The following FER1L5 variants were observed in gnomAD, a reference collection of about 807,000 sequenced individuals.
The protein encoded by FER1L5 is fer-1 like family member 5.
Under a neutral mutation model 279.9 loss-of-function variants are expected in FER1L5, and 187 were observed. That is an observed-to-expected ratio of 0.67 (90% confidence interval 0.59 to 0.75). The LOEUF (loss-of-function observed/expected upper bound fraction) is 0.75. Among genes scored for constraint, FER1L5 ranks in the 30% least tolerant of loss-of-function variants. The pLI is 0.00. For missense variants in FER1L5, 2,091 were observed against 2,594.4 expected (o/e 0.81, Z 4.21); for synonymous variants, 921 against 989.7 (o/e 0.93, Z 1.30).
chr2:96,662,363 A>G, intron 13 of FER1L5, 96 bp downstream of exon 13: 2 of 1,130,026 alleles, frequency 1.8e-6, no homozygotes, highest in Non-Finnish European at 1.3e-6. Context: ...CACAGGAATC[A>G]TCTCCCAGTC....
chr2:96,694,397 C>T lies in FER1L5; in HGVS notation c.3674C>T (p.Pro1225Leu). Residue 1225 changes from proline to leucine, a missense_variant, in exon 34 of 53, where the codon CCC becomes CTC. Pro to Leu is a moderately conservative substitution (Grantham distance 98). Coordinates refer to ENST00000624922, the MANE Select transcript of FER1L5 (RefSeq NM_001293083.2). This position sits in a 1 kb window ranked among gnomAD's most constrained non-coding sequence, Gnocchi z 4.6. ...GEKQLPILSV[P>L]WKNGAYTLPK... ...AAGCAGCTGCCTATCTTAAGCGTTC[C>T]CTGGAAGAATGGGGCATACACACTC... is the stretch of plus-strand genomic sequence containing the variant. 1 of 1,550,818 alleles carries T rather than the reference C, an allele frequency of 6.4e-7. No individual in the cohort carries two copies. Among genetic ancestry groups the T allele is most frequent in the Non-Finnish European group, 8.7e-7 (1 of 1,146,544 alleles).
chr2:96,699,045 T>C lies in FER1L5; in HGVS notation c.4519T>C (p.Cys1507Arg), dbSNP rs1354128395. 1 of 1,608,244 alleles carries C rather than the reference T, an allele frequency of 6.2e-7. No homozygotes were observed. Among genetic ancestry groups the C allele is most frequent in the Non-Finnish European group, 8.5e-7 (1 of 1,177,420 alleles). The change falls in exon 42 of 53, where the codon TGT (cysteine) becomes CGT (arginine). Residue 1507 changes from cysteine (C) to arginine (R), a missense_variant and splice_region_variant. By Grantham distance (180) the Cys-to-Arg change is radical. Transcript: ENST00000624922. The stretch of plus-strand genomic sequence containing the variant: ...TTCCCCCACTTGTATCTGACCCCAG[T>C]GTGACCCTTATGTGATCCTGAAACT... ...NLQPQDYNGL[C>R]DPYVILKLGK...
intron 18 of FER1L5, among the ~76,000 whole-genome samples, chr2:96,670,458 G>A (rs999690454): frequency 8.5e-5 from 13 of 152,082 alleles, no homozygotes; most frequent in African/African-American, 3.1e-4. Flanking sequence ...GACCCTGATG[G>A]AAAAGATAAG....
chr2:96,702,126 G>C lies in FER1L5; in HGVS notation c.5159+83G>C. The C allele has an allele frequency of 1.9e-6, 3 of 1,573,306 alleles. No individual in the cohort carries two copies. The highest frequency in any genetic ancestry group is 2.6e-6 in the Non-Finnish European group (3 of 1,152,384). The stretch of plus-strand genomic sequence containing the variant: ...CAGGGCACCACTGTCCTCAGGTACT[G>C]AGCTGCAGTAATTCGTTTCTCTATT... On this transcript the variant is annotated intron_variant, in intron 46 of 52. Transcript: ENST00000624922. This position sits in a 1 kb window ranked among gnomAD's most constrained non-coding sequence, Gnocchi z 4.0.
Position 96,704,456 on chromosome 2 carries a change from T to G in FER1L5, c.5950-12T>G. On this transcript the variant is annotated splice_polypyrimidine_tract_variant and intron_variant, in intron 52 of 52. Coordinates refer to ENST00000624922, the MANE Select transcript of FER1L5 (RefSeq NM_001293083.2). ...TTGCCACCCCAGGCTAACTGTTGTCTGTTCTCTCTAGCACTATTTGGCCAT... is the reference window on the plus strand; with the variant it reads ...TTGCCACCCCAGGCTAACTGTTGTCGGTTCTCTCTAGCACTATTTGGCCAT... 6.2e-7 allele frequency: 1 copy of G among 1,613,824 alleles called. No individual in the cohort carries two copies. Among genetic ancestry groups the G allele is most frequent in the Non-Finnish European group, 8.5e-7 (1 of 1,179,684 alleles).
At chr2:96,677,234 T>C (rs1470598068) in intron 19 of FER1L5, among the ~76,000 whole-genome samples, 2 of 152,244 alleles carry the variant, frequency 1.3e-5, no homozygotes, top group African/African-American at 2.4e-5. Flanking sequence ...TTGTTAGTAA[T>C]CTATTTAATG....
chr2:96,644,922 T>C (rs2075052684), intron 1 of FER1L5, among the ~76,000 whole-genome samples: 1 of 152,206 alleles, frequency 6.6e-6, no homozygotes, highest in Non-Finnish European at 1.5e-5. Flanking sequence ...CACCACCTCA[T>C]GGGCACCATC....
chr2:96,684,127 G>A (rs1186862178), intron 19 of FER1L5, among the ~76,000 whole-genome samples, 200 bp from the exon 20 acceptor site: 1 of 152,212 alleles, frequency 6.6e-6, no homozygotes, highest in East Asian at 1.9e-4. Flanking sequence ...TGACAATGAA[G>A]GGTCAAAGTG....
At chr2:96,688,978 T>G in intron 24 of FER1L5, 1 of 502,114 alleles carries the variant, frequency 2.0e-6, no homozygotes, top group Non-Finnish European at 3.5e-6. Flanking sequence ...TCTTATGATA[T>G]CTCTGTCCAC....
At position 96,691,061 on chromosome 2, in the gene FER1L5, C is replaced by T; in HGVS notation, c.2744-129C>T. Reference sequence around the variant, plus strand: ...CACAGTGTAGCCACACTCTCCTTTCCACACCTCAGGGCCAGAGACCTGGAT... The same window carrying T: ...CACAGTGTAGCCACACTCTCCTTTCTACACCTCAGGGCCAGAGACCTGGAT... On this transcript the variant is annotated intron_variant, in intron 27 of 52. Transcript: ENST00000624922. The surrounding 1 kb of genome is among the most constrained non-coding windows in gnomAD (Gnocchi z 6.0). 8.1e-7 allele frequency: 1 copy of T among 1,235,724 alleles called. No homozygotes were observed. The highest frequency in any genetic ancestry group is 1.6e-5 in the South Asian group (1 of 62,978). The allele number at this position is 1,235,724 out of a possible 1,614,324, so 76.5% of individuals were successfully genotyped here. A position where few individuals can be genotyped will look rare whatever the true frequency, so the allele number is the denominator to read the frequency against.
intron 17 of FER1L5, 108 bp downstream of exon 17, chr2:96,669,245 C>T (rs575705088): frequency 1.3e-5 from 14 of 1,115,818 alleles, no homozygotes; most frequent in Middle Eastern, 2.5e-4. Context: ...TTCTGTCCCT[C>T]GGGGTCTTGT....
rs1208264592 is a variant in FER1L5, at chr2:96,700,291, A to AT, written c.4931-40dup. The AT allele has an allele frequency of 3.1e-6, 5 of 1,608,006 alleles. No individual in the cohort carries two copies. The African/African-American group carries it at 6.7e-5, about 21-fold the overall frequency. On this transcript the variant is annotated intron_variant, in intron 44 of 52. Transcript: ENST00000624922. ...GCCTACCTAGGAGATAGGAAGGCTA[A>AT]TGACCTCGCAATCCCCTCCTTCCAT...
intron 6 of FER1L5, among the ~76,000 whole-genome samples, chr2:96,651,054 A>G (rs2075340489): frequency 1.3e-5 from 2 of 152,294 alleles, no homozygotes; most frequent in Admixed American, 6.5e-5. Flanking sequence ...TATCATGCCA[A>G]GCACCTTCTT....
rs371023899 is a variant in FER1L5 at position 96,681,522 on chromosome 2, G to C, written c.1670-2805G>C. ...CAAGAAAGTGAGCAGCTGAGAACCA[G>C]TGTTCTCTTTAAAAAATAATAATTA... On this transcript the variant is annotated intron_variant, in intron 19 of 52. Transcript: ENST00000624922. 1.1e-4 allele frequency among the ~76,000 whole-genome samples: 16 copies of C among 152,220 alleles called. 2 individuals are homozygous for C. Among genetic ancestry groups the C allele is most frequent in the Admixed American group, 3.9e-4 (6 of 15,278 alleles).
Position 96,699,856 on chromosome 2 carries a change from G to C in FER1L5, c.4782-76G>C, listed in dbSNP as rs749176341. 4.4e-6 allele frequency: 7 copies of C among 1,585,806 alleles called. No individual in the cohort carries two copies. The African/African-American group carries it at 9.4e-5, about 21-fold the overall frequency. ...CCAGTCTCCACCCAAGCTTCCACCC[G>C]TGGTCAACCTGCAGCTCACAGCAGT... On this transcript the variant is annotated intron_variant, in intron 43 of 52. Coordinates refer to ENST00000624922, the MANE Select transcript of FER1L5 (RefSeq NM_001293083.2).
intron 31 of FER1L5, among the ~76,000 whole-genome samples, chr2:96,692,891 C>T (rs2077207943): frequency 6.6e-6 from 1 of 152,064 alleles, no homozygotes; most frequent in Non-Finnish European, 1.5e-5. Flanking sequence ...AAAGGGCAGC[C>T]ACAGAGCTGG....
chr2:96,689,804 A>T lies in FER1L5; in HGVS notation c.2640+46A>T. The T allele has an allele frequency of 1.4e-6, 2 of 1,461,838 alleles. No individual in the cohort carries two copies. The highest frequency in any genetic ancestry group is 2.7e-5 in the South Asian group (2 of 75,108). 90.6% of individuals were successfully genotyped at this position (1,461,838 alleles called of 1,614,324 possible). ...CTCGGGTTAGGGGGCAAGCAAGGCC[A>T]CCAGGCGGGGCGCCTTGGAAGCTGG... On this transcript the variant is annotated intron_variant, in intron 26 of 52. Transcript: ENST00000624922. This position sits in a 1 kb window ranked among gnomAD's most constrained non-coding sequence, Gnocchi z 4.6.
intron 51 of FER1L5, among the ~76,000 whole-genome samples, 177 bp downstream of exon 51, chr2:96,703,809 C>CTTT (rs35497973): frequency 1.1e-3 from 95 of 89,434 alleles, no homozygotes; most frequent in Non-Finnish European, 1.7e-3. Context: ...CAAAAGTTGC[C>CTTT]TTTTTTTTTT....
intron 43 of FER1L5, 24 bp from the exon 44 acceptor site, chr2:96,699,908 C>T: frequency 6.2e-7 from 1 of 1,612,028 alleles, no homozygotes; most frequent in Non-Finnish European, 8.5e-7. Context: ...ACCTCCAGAC[C>T]TCTTCCTCTC....
Sources: allele counts gnomAD v4.1 joint callset (sites outside exome capture counted in the v4.1 genomes callset), GRCh38; gene constraint gnomAD v4.1.1; non-coding constraint Gnocchi (gnomAD v3.1); transcripts MANE v1.5; gene names NCBI Gene and HGNC (gene_info 2026-07-23, HGNC 2026-07-21).